Variants in DPP10 observed in about 807,000 individuals in gnomAD.
DPP10 encodes the protein dipeptidyl peptidase like 10, also known as inactive dipeptidyl peptidase 10.
In DPP10, 33 loss-of-function variants were observed where a neutral mutation model predicts 120.9. The ratio of observed to expected loss-of-function variants is 0.27; its 90% confidence interval spans 0.21 to 0.37. DPP10 has a LOEUF of 0.37. Among genes scored for constraint, DPP10 ranks in the 10% least tolerant of loss-of-function variants. The pLI is 1.00. For missense variants in DPP10, 816 were observed against 942.8 expected, an observed-to-expected ratio of 0.87 and a Z score of 1.76; for synonymous variants, 337 against 326.1, an observed-to-expected ratio of 1.03 and a Z score of -0.36.
chr2:115,055,138 C>T (rs6735351), intron 1 of DPP10, among the ~76,000 whole-genome samples: 147,395 of 152,270 alleles, frequency 0.97, 71,544 homozygotes, highest in Middle Eastern at 1. Flanking sequence ...ATTTCTTATT[C>T]CTCATCCAAC....
chr2:114,766,928 C>G (rs185148545), intron 1 of DPP10, among the ~76,000 whole-genome samples: 32 of 151,754 alleles, frequency 2.1e-4, no homozygotes, highest in African/African-American at 7.7e-4. Flanking sequence ...CACATACACA[C>G]ACGAGAGAGA....
At chr2:115,780,656 A>G (rs1039826538) in intron 15 of DPP10, among the ~76,000 whole-genome samples, 2 of 151,856 alleles carry the variant, frequency 1.3e-5, no homozygotes, top group African/African-American at 2.4e-5. Flanking sequence ...AAAATAATAC[A>G]TAATTTTAAT....
intron 1 of DPP10, among the ~76,000 whole-genome samples, chr2:114,756,873 A>G (rs1477811746): frequency 6.6e-6 from 1 of 152,138 alleles, no homozygotes; most frequent in African/African-American, 2.4e-5. Flanking sequence ...CCTAGGAAAA[A>G]TTATTTCTTA....
chr2:114,480,797 T>C (rs999855479), intron 1 of DPP10, among the ~76,000 whole-genome samples: 3 of 151,936 alleles, frequency 2.0e-5, no homozygotes, highest in African/African-American at 7.3e-5. Flanking sequence ...ACATGGCACA[T>C]GTATACATAC....
intron 1 of DPP10, among the ~76,000 whole-genome samples, chr2:114,968,614 A>G (rs1396241181): frequency 6.6e-6 from 1 of 152,204 alleles, no homozygotes; most frequent in Non-Finnish European, 1.5e-5. Flanking sequence ...TATGTTATAC[A>G]CATCCAGAAA....
At chr2:115,087,377 T>C (rs1446399631) in intron 1 of DPP10, among the ~76,000 whole-genome samples, 1 of 152,124 alleles carries the variant, frequency 6.6e-6, no homozygotes, top group Non-Finnish European at 1.5e-5. Context: ...ACAAATACTT[T>C]CCAGAGCAGT....
intron 1 of DPP10, among the ~76,000 whole-genome samples, chr2:114,783,425 T>G (rs767003363): frequency 1.3e-5 from 2 of 152,096 alleles, no homozygotes; most frequent in Non-Finnish European, 2.9e-5. Flanking sequence ...AGAACAGATA[T>G]AAGAAGAGTG....
At chr2:114,531,824 T>C (rs1686014591) in intron 1 of DPP10, among the ~76,000 whole-genome samples, 2 of 152,192 alleles carry the variant, frequency 1.3e-5, no homozygotes, top group South Asian at 4.1e-4. Context: ...TGATTACTTT[T>C]ATGTCAACAT....
intron 12 of DPP10, among the ~76,000 whole-genome samples, chr2:115,766,324 A>G (rs377498443): frequency 0.27 from 25,595 of 95,056 alleles, 4,500 homozygotes; most frequent in Non-Finnish European, 0.3. Context: ...ATATATATAT[A>G]TGTATATATA....
chr2:115,337,053 G>T (rs1306783391), intron 2 of DPP10, among the ~76,000 whole-genome samples: 1 of 151,626 alleles, frequency 6.6e-6, no homozygotes, highest in Non-Finnish European at 1.5e-5. Context: ...TGATGACTGA[G>T]TTCCGTTGTA....
intron 1 of DPP10, among the ~76,000 whole-genome samples, chr2:115,051,571 T>C (rs1488506705): frequency 6.6e-6 from 1 of 152,166 alleles, no homozygotes; most frequent in Non-Finnish European, 1.5e-5. Context: ...ATTATAAAAG[T>C]ATTATGTAAA....
At chr2:115,391,834 A>G (rs900881421) in intron 3 of DPP10, among the ~76,000 whole-genome samples, 1 of 152,116 alleles carries the variant, frequency 6.6e-6, no homozygotes, top group Non-Finnish European at 1.5e-5. Flanking sequence ...GGAAAAGACA[A>G]TGTCTTTACG....
At chr2:114,892,944 G>T (rs986607963) in intron 1 of DPP10, among the ~76,000 whole-genome samples, 2 of 152,174 alleles carry the variant, frequency 1.3e-5, no homozygotes, top group Admixed American at 1.3e-4. Flanking sequence ...TCTTCCACTA[G>T]TTGAGGCAGT....
chr2:115,139,724 TA>T (rs55826687), intron 1 of DPP10, among the ~76,000 whole-genome samples: 19,331 of 56,484 alleles, frequency 0.34, 2,688 homozygotes, highest in Non-Finnish European at 0.36. Context: ...GTAAAAATAC[TA>T]AAAAAAAAAA....
chr2:114,546,497 G>C (rs964904411), intron 1 of DPP10, among the ~76,000 whole-genome samples: 1 of 152,186 alleles, frequency 6.6e-6, no homozygotes, highest in Non-Finnish European at 1.5e-5. Context: ...GATTTGGGCA[G>C]GGATAGATAG....
intron 1 of DPP10, among the ~76,000 whole-genome samples, chr2:114,649,594 G>A (rs1162633623): frequency 4.0e-5 from 6 of 151,696 alleles, no homozygotes; most frequent in African/African-American, 9.7e-5. Flanking sequence ...CCTCATGATC[G>A]GCCCGCCTCG....
intron 1 of DPP10, among the ~76,000 whole-genome samples, chr2:114,493,197 C>A (rs1360655230): frequency 6.6e-6 from 1 of 152,092 alleles, no homozygotes; most frequent in Non-Finnish European, 1.5e-5. Flanking sequence ...GAACTCTGGG[C>A]ACAAATTGCC....
chr2:115,612,531 A>C (rs2084186583), intron 5 of DPP10, among the ~76,000 whole-genome samples: 1 of 152,180 alleles, frequency 6.6e-6, no homozygotes, highest in Non-Finnish European at 1.5e-5. Flanking sequence ...ACAAAGTAGA[A>C]TGTATCTCCC....
intron 1 of DPP10, among the ~76,000 whole-genome samples, chr2:114,901,289 C>T (rs2106634578): frequency 6.6e-6 from 1 of 152,278 alleles, no homozygotes; most frequent in South Asian, 2.1e-4. Context: ...GCTCCACCTC[C>T]TGGGTTCATG....
Sources: gnomAD v4.1 joint callset for allele counts (sites outside exome capture counted in the v4.1 genomes callset) on GRCh38, gnomAD v4.1.1 for gene constraint, MANE v1.5 for transcripts, NCBI Gene and HGNC (gene_info 2026-07-23, HGNC 2026-07-21) for gene names.